Variants in SLC24A3 observed in about 807,000 individuals in gnomAD.
SLC24A3 encodes the protein sodium/potassium/calcium exchanger 3.
SLC24A3 carries 28 observed loss-of-function variants against 75.8 expected under a neutral mutation model. That is an observed-to-expected ratio of 0.37 (90% confidence interval 0.27 to 0.51). SLC24A3 has a LOEUF of 0.51. SLC24A3 is among the 20% of genes least tolerant of loss of function. The pLI, the probability that SLC24A3 is intolerant of heterozygous loss-of-function variation, is 0.94. For synonymous variants in SLC24A3, 372 were observed against 334.1 expected (o/e 1.11, Z -1.24); for missense variants, 663 against 847.8 (o/e 0.78, Z 2.71).
chr20:19,590,147 G>C (rs1379214872), intron 6 of SLC24A3, among the ~76,000 whole-genome samples: 5 of 148,808 alleles, frequency 3.4e-5, no homozygotes, highest in Non-Finnish European at 7.4e-5. Context: ...GCCATTGAAA[G>C]TAATGGCAAA....
chr20:19,693,103 T>A, intron 12 of SLC24A3, 156 bp from the exon 13 acceptor site: 3 of 820,662 alleles, frequency 3.7e-6, no homozygotes, highest in Non-Finnish European at 3.6e-6. Flanking sequence ...TCGTTGGTGA[T>A]GGAAAGTCAT....
intron 9 of SLC24A3, among the ~76,000 whole-genome samples, chr20:19,679,286 C>T (rs1022164914): frequency 3.9e-5 from 6 of 152,320 alleles, no homozygotes; most frequent in Admixed American, 2.0e-4. Context: ...GGATCACTCG[C>T]GGTTAGGAGC....
chr20:19,560,089 C>T (rs2030850997), intron 3 of SLC24A3, among the ~76,000 whole-genome samples: 2 of 152,086 alleles, frequency 1.3e-5, no homozygotes, highest in Non-Finnish European at 2.9e-5. Flanking sequence ...TCCAGCACAG[C>T]CCCAGGTGCA....
At chr20:19,316,879 A>C (rs1337233350) in intron 2 of SLC24A3, among the ~76,000 whole-genome samples, 1 of 152,188 alleles carries the variant, frequency 6.6e-6, no homozygotes, top group South Asian at 2.1e-4. Flanking sequence ...CAGGATGTGC[A>C]GGTTTGTGAC....
intron 2 of SLC24A3, among the ~76,000 whole-genome samples, chr20:19,399,121 G>A (rs181974310): frequency 3.2e-4 from 49 of 152,224 alleles, no homozygotes; most frequent in Admixed American, 1.4e-3. Context: ...TATAGAATCT[G>A]TGTTGATGTC....
At position 19,540,184 on chromosome 20, in the gene SLC24A3, G is replaced by A. The variant is rs542175783; in HGVS notation, c.348+24620G>A. The stretch of plus-strand genomic sequence containing the variant: ...TCAGCATACCAAGGTGCCACACTTC[G>A]GGATATGATGTTCTGAGTCCCAGCA... On this transcript the variant is annotated intron_variant, in intron 3 of 16. Transcript: ENST00000328041. Among the ~76,000 whole-genome samples the A allele has an allele frequency of 7.9e-5, 12 of 152,246 alleles. No individual in the cohort carries two copies. The South Asian group carries it at 2.3e-3, about 29-fold the overall frequency.
chr20:19,484,914 GAA>G (rs1988108053), intron 2 of SLC24A3, among the ~76,000 whole-genome samples: 1 of 152,138 alleles, frequency 6.6e-6, no homozygotes, highest in African/African-American at 2.4e-5. Context: ...TCAGGAGACT[GAA>G]AGATACTCAG....
intron 2 of SLC24A3, among the ~76,000 whole-genome samples, chr20:19,414,072 C>A (rs571537911): frequency 2.6e-5 from 4 of 152,126 alleles, no homozygotes; most frequent in Non-Finnish European, 5.9e-5. Flanking sequence ...AATGTCCAGC[C>A]CTCCTTGGTT....
chr20:19,711,564 G>T (rs934971179), intron 15 of SLC24A3, among the ~76,000 whole-genome samples: 5 of 151,784 alleles, frequency 3.3e-5, no homozygotes, highest in Non-Finnish European at 5.9e-5. Context: ...GCAGGCAAAC[G>T]CACACACGTG....
intron 3 of SLC24A3, among the ~76,000 whole-genome samples, chr20:19,524,639 T>G (rs1476874245): frequency 6.6e-6 from 1 of 152,218 alleles, no homozygotes; most frequent in African/African-American, 2.4e-5. Flanking sequence ...TGTTTATTAC[T>G]CAGTCCACCT....
At chr20:19,243,668 C>T (rs903697415) in intron 1 of SLC24A3, among the ~76,000 whole-genome samples, 1 of 152,180 alleles carries the variant, frequency 6.6e-6, no homozygotes, top group African/African-American at 2.4e-5. Flanking sequence ...ATTGTGGACT[C>T]AGCTCTCCTG....
rs986246197 is a variant in SLC24A3, at chr20:19,388,368, TG to T, written c.271+107282del. ...TTTATCATTATATAATGACCTTTTT[TG>T]TCTCTTGTGACAGTTTTTAACTTAA... is the stretch of plus-strand genomic sequence containing the variant. On this transcript the variant is annotated intron_variant, in intron 2 of 16. Transcript: ENST00000328041. Among the ~76,000 whole-genome samples the T allele has an allele frequency of 3.3e-5, 5 of 152,366 alleles. No homozygotes were observed. The South Asian group carries it at 8.3e-4, about 25-fold the overall frequency.
intron 15 of SLC24A3, among the ~76,000 whole-genome samples, chr20:19,711,646 CT>C (rs139028607): frequency 0.055 from 8,281 of 149,898 alleles, 269 homozygotes; most frequent in Middle Eastern, 0.11. Flanking sequence ...ATGCTTTTTT[CT>C]TTTTTTTTTT....
intron 2 of SLC24A3, among the ~76,000 whole-genome samples, chr20:19,483,498 G>C (rs1988088120): frequency 6.6e-6 from 1 of 152,136 alleles, no homozygotes; most frequent in Admixed American, 6.5e-5. Flanking sequence ...CTAAATTTAG[G>C]GTTTAGAATA....
At chr20:19,347,089 T>C (rs1985447140) in intron 2 of SLC24A3, among the ~76,000 whole-genome samples, 2 of 152,190 alleles carry the variant, frequency 1.3e-5, no homozygotes, top group Admixed American at 6.5e-5. Context: ...TTTTAATGCA[T>C]ATTGCTCAGC....
At chr20:19,461,024 T>C (rs1987661656) in intron 2 of SLC24A3, among the ~76,000 whole-genome samples, 1 of 152,124 alleles carries the variant, frequency 6.6e-6, no homozygotes, top group Admixed American at 6.5e-5. Context: ...GCGGAGGGAT[T>C]GGGGGCATCT....
At chr20:19,599,139 C>T (rs1177602231) in intron 6 of SLC24A3, among the ~76,000 whole-genome samples, 1 of 152,126 alleles carries the variant, frequency 6.6e-6, no homozygotes, top group African/African-American at 2.4e-5. Context: ...GGTTGAGAAA[C>T]ATACCCCAGG....
intron 6 of SLC24A3, among the ~76,000 whole-genome samples, chr20:19,616,769 T>G (rs2031742551): frequency 6.6e-6 from 1 of 152,120 alleles, no homozygotes; most frequent in Non-Finnish European, 1.5e-5. Flanking sequence ...CTCCCACCTC[T>G]CATTCCCCTT....
At chr20:19,238,339 G>A (rs192327610) in intron 1 of SLC24A3, among the ~76,000 whole-genome samples, 8 of 152,258 alleles carry the variant, frequency 5.3e-5, no homozygotes, top group East Asian at 3.9e-4. Flanking sequence ...TATTGTTGCC[G>A]TTCACAGTTT....
Sources: gnomAD v4.1 joint callset for allele counts (sites outside exome capture counted in the v4.1 genomes callset) on GRCh38, gnomAD v4.1.1 for gene constraint, MANE v1.5 for transcripts, NCBI Gene and HGNC (gene_info 2026-07-23, HGNC 2026-07-21) for gene names.